RNF111: variants seen among roughly 807,000 people sequenced by gnomAD.
The protein encoded by RNF111 is E3 ubiquitin-protein ligase Arkadia.
Under a neutral mutation model 95.1 loss-of-function variants are expected in RNF111, and 17 were observed. The observed-to-expected ratio is 0.18, with a 90% CI of 0.12 to 0.27. RNF111 has a LOEUF of 0.27. RNF111 is among the 10% of genes least tolerant of loss of function. The pLI, the probability that RNF111 is intolerant of heterozygous loss-of-function variation, is 1.00. For synonymous variants in RNF111, 440 were observed against 414.8 expected, an observed-to-expected ratio of 1.06 and a Z score of -0.74; for missense variants, 1,189 against 1,210.4, an observed-to-expected ratio of 0.98 and a Z score of 0.26.
Position 59,095,025 on chromosome 15 carries a change from TA to T in RNF111, c.*126del, listed in dbSNP as rs2079154254. The T allele has an allele frequency of 1.4e-6, 1 of 731,496 alleles. No individual in the cohort carries two copies. Among genetic ancestry groups the T allele is most frequent in the Non-Finnish European group, 2.5e-6 (1 of 403,960 alleles). The allele number at this position is 731,496 out of a possible 1,614,324, so 45.3% of individuals were successfully genotyped here. A position where few individuals can be genotyped will look rare whatever the true frequency, so the allele number is the denominator to read the frequency against. On this transcript the variant is annotated 3_prime_UTR_variant, in exon 14 of 14. Transcript: ENST00000348370. ...ATTGAACTTAGAGTGCTGGCTCTGCTATATGGTACAACTAATGCTAGACCTA... is the reference window on the plus strand; with the variant it reads ...ATTGAACTTAGAGTGCTGGCTCTGCTTATGGTACAACTAATGCTAGACCTA...
intron 5 of RNF111, among the ~76,000 whole-genome samples, chr15:59,060,691 T>C (rs2042395502): frequency 6.6e-6 from 1 of 152,194 alleles, no homozygotes; most frequent in Non-Finnish European, 1.5e-5. Context: ...TGAAGAAACC[T>C]GAGAAGTTAA....
At chr15:59,053,046 GT>G (rs1361903886) in intron 3 of RNF111, among the ~76,000 whole-genome samples, 1 of 152,110 alleles carries the variant, frequency 6.6e-6, no homozygotes, top group East Asian at 1.9e-4. Flanking sequence ...AGCCCTTTCT[GT>G]TAGAATCTAC....
chr15:59,060,511 C>T (rs1277159782), intron 5 of RNF111, among the ~76,000 whole-genome samples: 5 of 152,072 alleles, frequency 3.3e-5, no homozygotes, highest in African/African-American at 9.7e-5. Context: ...TGACACACAC[C>T]TTTAGTGCCA....
chr15:59,014,422 A>G (rs1461319115), intron 1 of RNF111, among the ~76,000 whole-genome samples: 4 of 152,196 alleles, frequency 2.6e-5, no homozygotes, highest in African/African-American at 9.6e-5. Context: ...TTGAATCTGG[A>G]TATTTGGAGG....
chr15:58,988,516 GAC>G (rs2038669246), intron 1 of RNF111: 1 of 152,382 alleles, frequency 6.6e-6, no homozygotes, highest in African/African-American at 2.4e-5. Context: ...CTGAAATACA[GAC>G]GCGTCAGATT....
At chr15:59,050,272 A>G (rs538900458) in intron 2 of RNF111, 17 of 152,120 alleles carry the variant, frequency 1.1e-4, no homozygotes, top group African/African-American at 4.1e-4. Context: ...TGTCTACAAC[A>G]TCGCTTTTTC....
chr15:59,040,766 G>A (rs149986959), intron 2 of RNF111, among the ~76,000 whole-genome samples: 441 of 152,216 alleles, frequency 2.9e-3, no homozygotes, highest in Non-Finnish European at 4.8e-3. Flanking sequence ...ATTTTGTTTT[G>A]TATAGTGTCT....
In RNF111 at chr15:59,064,535, C is replaced by CAAAAA. The variant is rs35804813; in HGVS notation, c.1367-2215_1367-2211dup. Among the ~76,000 whole-genome samples, 130 of 76,702 alleles carry CAAAAA rather than the reference C, an allele frequency of 1.7e-3. 2 individuals carry two copies. Among genetic ancestry groups the CAAAAA allele is most frequent in the African/African-American group, 5.5e-3 (127 of 22,946 alleles). 50.3% of individuals were successfully genotyped at this position (76,702 alleles called of 152,430 possible). On this transcript the variant is annotated intron_variant, in intron 5 of 13. Coordinates refer to ENST00000348370, the MANE Select transcript of RNF111 (RefSeq NM_017610.8). ...TGGGCGACAGAGCAAGACTTTGTCG[C>CAAAAA]AAAAAAAAAAAAAAAAAAGGAAATA...
chr15:59,079,229 T>C (rs1409599807), intron 7 of RNF111, among the ~76,000 whole-genome samples: 1 of 152,236 alleles, frequency 6.6e-6, no homozygotes, highest in African/African-American at 2.4e-5. Flanking sequence ...TGTTGTATAA[T>C]GATTACACAA....
rs569366834 is a variant in RNF111, at chr15:58,997,183, C to G, written c.-20+9115C>G. On this transcript the variant is annotated intron_variant, in intron 1 of 13. Coordinates refer to ENST00000348370, the MANE Select transcript of RNF111 (RefSeq NM_017610.8). ...AAAAAAAACAAGGCTCCTTGCCATT[C>G]TTATCTTCCTATGACCCAAGTCTTT... Among the ~76,000 whole-genome samples, 23 of 152,246 alleles carry G rather than the reference C, an allele frequency of 1.5e-4. No homozygotes were observed. In the East Asian group the frequency reaches 2.7e-3, roughly 18 times the overall value.
At chr15:59,057,849 T>C (rs974713966) in intron 4 of RNF111, among the ~76,000 whole-genome samples, 1 of 152,220 alleles carries the variant, frequency 6.6e-6, no homozygotes, top group Non-Finnish European at 1.5e-5. Context: ...TCTGATGCTT[T>C]CCCAGTTCTA....
intron 5 of RNF111, among the ~76,000 whole-genome samples, chr15:59,061,717 C>A (rs776087697): frequency 2.6e-5 from 4 of 152,112 alleles, no homozygotes; most frequent in Non-Finnish European, 4.4e-5. Context: ...CTTGCTTTAA[C>A]TGTTATCTTC....
chr15:59,032,061 C>A (rs2040937568), intron 2 of RNF111, among the ~76,000 whole-genome samples: 1 of 152,028 alleles, frequency 6.6e-6, no homozygotes, highest in East Asian at 1.9e-4. Context: ...GCGTCAGCCT[C>A]CCAAGTAGCC....
At chr15:58,990,721 A>C (rs748066106) in intron 1 of RNF111, among the ~76,000 whole-genome samples, 1 of 152,212 alleles carries the variant, frequency 6.6e-6, no homozygotes, top group Non-Finnish European at 1.5e-5. Context: ...CCCATTGTAG[A>C]TATTAATTAC....
intron 3 of RNF111, among the ~76,000 whole-genome samples, chr15:59,054,856 G>A (rs1184899320): frequency 2.0e-5 from 3 of 152,100 alleles, no homozygotes. Context: ...TTTATATTTA[G>A]TTTGAACAGG....
chr15:59,076,764 G>C (rs1399808232), intron 7 of RNF111, among the ~76,000 whole-genome samples: 2 of 152,158 alleles, frequency 1.3e-5, no homozygotes, highest in Non-Finnish European at 2.9e-5. Flanking sequence ...CACAAGAAAT[G>C]ATAAATACTC....
chr15:59,076,289 C>A (rs1172078463), intron 7 of RNF111, 74 bp downstream of exon 7: 1 of 1,491,748 alleles, frequency 6.7e-7, no homozygotes, highest in East Asian at 2.3e-5. Context: ...TATGAAATAA[C>A]CTTTAATCCC....
chr15:59,004,970 G>T (rs1359463435), intron 1 of RNF111, among the ~76,000 whole-genome samples: 1 of 152,196 alleles, frequency 6.6e-6, no homozygotes, highest in Non-Finnish European at 1.5e-5. Flanking sequence ...CTCCTATTTT[G>T]TGTTGATTCT....
At chr15:59,000,635 G>C (rs2141438582) in intron 1 of RNF111, among the ~76,000 whole-genome samples, 1 of 151,818 alleles carries the variant, frequency 6.6e-6, no homozygotes, top group African/African-American at 2.4e-5. Context: ...GCTTGAACTG[G>C]GAGGCAGATG....
Sources: gnomAD v4.1 joint callset for allele counts (sites outside exome capture counted in the v4.1 genomes callset) on GRCh38, gnomAD v4.1.1 for gene constraint, MANE v1.5 for transcripts, NCBI Gene and HGNC (gene_info 2026-07-23, HGNC 2026-07-21) for gene names.